Variants in CCDC126 observed in about 807,000 individuals in gnomAD.
CCDC126 encodes coiled-coil domain-containing protein 126.
CCDC126 carries 5 observed loss-of-function variants against 11.7 expected under a neutral mutation model. The ratio of observed to expected loss-of-function variants is 0.43; its 90% CI spans 0.22 to 0.90. CCDC126 has a LOEUF of 0.90. Among genes scored for constraint, CCDC126 ranks in the 40% least tolerant of loss-of-function variants. The pLI, the probability that CCDC126 is intolerant of heterozygous loss-of-function variation, is 0.27. For missense variants in CCDC126, 150 were observed against 163.1 expected, an observed-to-expected ratio of 0.92 and a Z score of 0.44; for synonymous variants, 60 against 61.9, an observed-to-expected ratio of 0.97 and a Z score of 0.14.
chr7:23,610,553 T>C (rs1417018642), intron 2 of CCDC126, among the ~76,000 whole-genome samples: 1 of 152,232 alleles, frequency 6.6e-6, no homozygotes, highest in Non-Finnish European at 1.5e-5. Context: ...ATCATCATTC[T>C]TTATGTCTGG....
Position 23,611,570 on chromosome 7 carries a change from A to G in CCDC126, c.238+17A>G, listed in dbSNP as rs2128015832. 6.5e-7 allele frequency: 1 copy of G among 1,539,002 alleles called. No individual in the cohort carries two copies. Among genetic ancestry groups the G allele is most frequent in the Non-Finnish European group, 9.0e-7 (1 of 1,112,804 alleles). ...CAGGATATGGTAAGATAACCGTAGA[A>G]TATTTCTAGTTTCCTCCAATCCCTG... On this transcript the variant is annotated intron_variant, in intron 3 of 3. Coordinates refer to ENST00000307471, the MANE Select transcript of CCDC126 (RefSeq NM_138771.4).
intron 3 of CCDC126, chr7:23,622,691 A>G: frequency 1.9e-6 from 1 of 531,082 alleles, no homozygotes; most frequent in Non-Finnish European, 3.8e-6. Context: ...CTTAGTACAG[A>G]GAGTAGCTCA....
At chr7:23,626,102 A>T (rs1364463615) in intron 3 of CCDC126, among the ~76,000 whole-genome samples, 1 of 151,430 alleles carries the variant, frequency 6.6e-6, no homozygotes, top group African/African-American at 2.4e-5. Flanking sequence ...TGTGCTGAAA[A>T]TTTTTTTCTC....
chr7:23,602,877 A>G (rs996522352), intron 2 of CCDC126, among the ~76,000 whole-genome samples: 8 of 152,200 alleles, frequency 5.3e-5, no homozygotes, highest in Non-Finnish European at 1.2e-4. Flanking sequence ...CTATTAAAAT[A>G]GTATCCAGAA....
chr7:23,638,991 A>G lies in CCDC126; in HGVS notation c.239-3940A>G, dbSNP rs571855677. 6.3e-4 allele frequency among the ~76,000 whole-genome samples: 96 copies of G among 151,632 alleles called. 1 individual carries two copies. Among genetic ancestry groups the G allele is most frequent in the Non-Finnish European group, 1.3e-3 (88 of 67,894 alleles). On this transcript the variant is annotated intron_variant, in intron 3 of 3. Coordinates refer to ENST00000307471, the MANE Select transcript of CCDC126 (RefSeq NM_138771.4). Reference sequence around the variant, plus strand: ...ATTTATGATTTAGTCTTACTGCTGAAGGGTTTTAAAAAATATGATTATCTC... The same window carrying G: ...ATTTATGATTTAGTCTTACTGCTGAGGGGTTTTAAAAAATATGATTATCTC...
chr7:23,615,522 C>A (rs1409189288), intron 3 of CCDC126, among the ~76,000 whole-genome samples: 1 of 152,270 alleles, frequency 6.6e-6, no homozygotes, highest in Non-Finnish European at 1.5e-5. Context: ...GCAGTCACAA[C>A]TTGGCTGTTT....
intron 3 of CCDC126, among the ~76,000 whole-genome samples, chr7:23,627,344 G>A (rs1463755906): frequency 6.6e-6 from 1 of 151,726 alleles, no homozygotes; most frequent in East Asian, 1.9e-4. Context: ...GTGAGACCCT[G>A]GCTCTAAAAA....
Position 23,639,814 on chromosome 7 carries a change from C to A in CCDC126, c.239-3117C>A, listed in dbSNP as rs557624860. On this transcript the variant is annotated intron_variant, in intron 3 of 3. Coordinates refer to ENST00000307471, the MANE Select transcript of CCDC126 (RefSeq NM_138771.4). ...TCACGACCACTACGGTAGTACTACT[C>A]CTTTCTGATACCTTTTTTCCCCACT... Among the ~76,000 whole-genome samples, 194 of 152,256 alleles carry A rather than the reference C, an allele frequency of 1.3e-3. 1 individual carries two copies. Among genetic ancestry groups the A allele is most frequent in the African/African-American group, 4.6e-3 (191 of 41,562 alleles).
chr7:23,625,692 G>C (rs576175951), intron 3 of CCDC126, among the ~76,000 whole-genome samples: 1 of 107,832 alleles, frequency 9.3e-6, no homozygotes, highest in Non-Finnish European at 1.7e-5. Context: ...GTCTTGCTCT[G>C]TTGCCCAGGC....
At chr7:23,618,041 G>A (rs1237326626) in intron 3 of CCDC126, among the ~76,000 whole-genome samples, 1 of 152,164 alleles carries the variant, frequency 6.6e-6, no homozygotes, top group East Asian at 1.9e-4. Flanking sequence ...AGGGAGATAC[G>A]CATAGGACAA....
chr7:23,638,202 C>G (rs935038809), intron 3 of CCDC126, among the ~76,000 whole-genome samples: 6 of 152,004 alleles, frequency 3.9e-5, no homozygotes, highest in African/African-American at 9.7e-5. Context: ...GCCACGACCC[C>G]GTCTGGGAGG....
intron 3 of CCDC126, among the ~76,000 whole-genome samples, chr7:23,640,036 A>G (rs1176540608): frequency 3.3e-5 from 5 of 151,898 alleles, no homozygotes; most frequent in Admixed American, 1.3e-4. Context: ...TACAAAAATT[A>G]GCTGGGTGTG....
chr7:23,628,968 C>G (rs2128019978), intron 3 of CCDC126, among the ~76,000 whole-genome samples: 1 of 152,222 alleles, frequency 6.6e-6, no homozygotes, highest in African/African-American at 2.4e-5. Context: ...CTGGCAGTAA[C>G]AAGGTGGCAC....
At chr7:23,603,591 C>T (rs1430446201) in intron 2 of CCDC126, among the ~76,000 whole-genome samples, 1 of 152,168 alleles carries the variant, frequency 6.6e-6, no homozygotes, top group Non-Finnish European at 1.5e-5. Context: ...AGACACTTAA[C>T]ATCTCTGGGC....
At chr7:23,630,997 T>TA (rs1783101058) in intron 3 of CCDC126, among the ~76,000 whole-genome samples, 1 of 152,014 alleles carries the variant, frequency 6.6e-6, no homozygotes, top group African/African-American at 2.4e-5. Flanking sequence ...GGGACACAGC[T>TA]AAAGCAGTGC....
At chr7:23,600,640 G>A (rs993439287) in intron 2 of CCDC126, among the ~76,000 whole-genome samples, 1 of 152,172 alleles carries the variant, frequency 6.6e-6, no homozygotes, top group Non-Finnish European at 1.5e-5. Context: ...CTGAGTGAAA[G>A]CTTCTCTGCC....
At chr7:23,598,157 C>T (rs1212356398) in intron 2 of CCDC126, 106 bp downstream of exon 2, 1 of 152,216 alleles carries the variant, frequency 6.6e-6, no homozygotes, top group African/African-American at 2.4e-5. Context: ...TCACTGCCTG[C>T]CTTGGTGATC....
intron 2 of CCDC126, among the ~76,000 whole-genome samples, chr7:23,599,395 A>G (rs970645077): frequency 6.6e-6 from 1 of 152,108 alleles, no homozygotes; most frequent in Admixed American, 6.6e-5. Context: ...GGAGGTGGGG[A>G]CATGTGGCAC....
chr7:23,626,933 C>G (rs1015005506), intron 3 of CCDC126, among the ~76,000 whole-genome samples: 15 of 152,210 alleles, frequency 9.9e-5, no homozygotes, highest in Non-Finnish European at 1.9e-4. Flanking sequence ...CACCTTATAT[C>G]TTTTCCTCCA....
Sources: gnomAD v4.1 joint callset for allele counts (sites outside exome capture counted in the v4.1 genomes callset) on GRCh38, gnomAD v4.1.1 for gene constraint, MANE v1.5 for transcripts, NCBI Gene and HGNC (gene_info 2026-07-23, HGNC 2026-07-21) for gene names.